CTNNA2: variants seen among roughly 807,000 people sequenced by gnomAD.
CTNNA2 encodes catenin alpha-2.
In CTNNA2, 42 loss-of-function variants were observed where a neutral mutation model predicts 101.0. The ratio of observed to expected loss-of-function variants is 0.42; its 90% CI spans 0.32 to 0.54. The LOEUF is 0.54. Ranked by LOEUF, CTNNA2 falls within the 20% of genes least tolerant of loss-of-function variation. The probability of loss-of-function intolerance (pLI) is 0.14; values close to 1 mark genes in which losing one functional copy is unlikely to be tolerated. For missense variants in CTNNA2, 871 were observed against 1,223.1 expected (o/e 0.71, Z 4.29); for synonymous variants, 450 against 456.4 (o/e 0.99, Z 0.18).
chr2:79,480,204 G>C (rs527920693), intron 4 of CTNNA2, among the ~76,000 whole-genome samples: 3 of 152,000 alleles, frequency 2.0e-5, no homozygotes, highest in Admixed American at 2.0e-4. Flanking sequence ...AAGAACTCAC[G>C]TAGTTCCCTC....
chr2:79,904,565 C>G (rs1335002615), intron 6 of CTNNA2, among the ~76,000 whole-genome samples: 1 of 152,146 alleles, frequency 6.6e-6, no homozygotes, highest in African/African-American at 2.4e-5. Flanking sequence ...GGCTTGAAAT[C>G]AAAAGACCTG....
chr2:79,361,726 C>A (rs1475089487), intron 3 of CTNNA2, among the ~76,000 whole-genome samples: 1 of 152,120 alleles, frequency 6.6e-6, no homozygotes, highest in Non-Finnish European at 1.5e-5. Context: ...CAAGGGGAGC[C>A]AGTCCAAGTC....
rs539074008 is a variant in CTNNA2 at position 79,820,716 on chromosome 2, A to G, written c.299-37297A>G. ...TTGAAACATGTCTGAAAGCCAGTTT[A>G]CTGGTCTTTCATCTTCAATAAATCT... On this transcript the variant is annotated intron_variant, in intron 3 of 18. Coordinates refer to ENST00000402739, the MANE Select transcript of CTNNA2 (RefSeq NM_001282597.3). 1.1e-4 allele frequency among the ~76,000 whole-genome samples: 16 copies of G among 152,348 alleles called. No individual in the cohort carries two copies. The East Asian group carries it at 2.5e-3, about 24-fold the overall frequency.
At chr2:80,443,492 C>A (rs1682777566) in intron 9 of CTNNA2, among the ~76,000 whole-genome samples, 1 of 152,098 alleles carries the variant, frequency 6.6e-6, no homozygotes, top group African/African-American at 2.4e-5. Context: ...TTGGGGGAGA[C>A]AAAGCTAACA....
intron 2 of CTNNA2, among the ~76,000 whole-genome samples, chr2:79,674,641 G>T (rs565006787): frequency 6.6e-6 from 1 of 152,242 alleles, no homozygotes; most frequent in African/African-American, 2.4e-5. Flanking sequence ...TAGTTCTCTA[G>T]TATGTAGACC....
intron 15 of CTNNA2, among the ~76,000 whole-genome samples, chr2:80,592,414 C>T (rs546841566): frequency 4.6e-5 from 7 of 152,152 alleles, no homozygotes; most frequent in Non-Finnish European, 8.8e-5. Context: ...CTTGTGTTTG[C>T]TCTCCAAGGC....
At chr2:80,172,489 A>T (rs1289096476) in intron 7 of CTNNA2, among the ~76,000 whole-genome samples, 2 of 152,150 alleles carry the variant, frequency 1.3e-5, no homozygotes, top group African/African-American at 2.4e-5. Flanking sequence ...TTCCACTCAA[A>T]GTGTGATCTA....
chr2:80,570,721 C>T (rs146794808), intron 12 of CTNNA2, among the ~76,000 whole-genome samples: 28 of 152,010 alleles, frequency 1.8e-4, no homozygotes, highest in South Asian at 4.2e-4. Context: ...TTTTTTTCTT[C>T]CTTGAAAGGT....
chr2:79,682,975 G>A (rs553076980), intron 2 of CTNNA2, among the ~76,000 whole-genome samples: 1 of 152,290 alleles, frequency 6.6e-6, no homozygotes, highest in African/African-American at 2.4e-5. Flanking sequence ...AGTATAAATG[G>A]CATTTATTAA....
chr2:79,402,122 C>T (rs1019973300), intron 4 of CTNNA2, among the ~76,000 whole-genome samples: 5 of 151,384 alleles, frequency 3.3e-5, no homozygotes. Flanking sequence ...AATTATAAAC[C>T]TATATCCACC....
At chr2:79,927,626 AG>A (rs1362640585) in intron 7 of CTNNA2, among the ~76,000 whole-genome samples, 1 of 152,214 alleles carries the variant, frequency 6.6e-6, no homozygotes, top group African/African-American at 2.4e-5. Context: ...CAGCTAAGTT[AG>A]GGCTGATCAA....
intron 2 of CTNNA2, among the ~76,000 whole-genome samples, chr2:79,698,126 T>C (rs1019428668): frequency 6.6e-6 from 1 of 152,068 alleles, no homozygotes; most frequent in African/African-American, 2.4e-5. Flanking sequence ...AAGCTTCGGA[T>C]GAGTATATTT....
chr2:80,203,960 G>A (rs1418118600), intron 7 of CTNNA2, among the ~76,000 whole-genome samples: 4 of 152,164 alleles, frequency 2.6e-5, no homozygotes, highest in African/African-American at 7.2e-5. Flanking sequence ...ACACCATGTG[G>A]AAGCTGCCAA....
intron 5 of CTNNA2, among the ~76,000 whole-genome samples, chr2:79,870,339 A>G (rs6716219): frequency 0.24 from 37,153 of 151,910 alleles, 6,913 homozygotes; most frequent in East Asian, 0.66. Flanking sequence ...CCACACATAT[A>G]CACTCCCAGG....
intron 1 of CTNNA2, among the ~76,000 whole-genome samples, chr2:79,614,915 A>T (rs1678517544): frequency 6.6e-6 from 1 of 152,212 alleles, no homozygotes; most frequent in Non-Finnish European, 1.5e-5. Context: ...AACCTCTATC[A>T]TAAAGTTTCT....
chr2:79,732,331 G>A (rs1410699581), intron 2 of CTNNA2, among the ~76,000 whole-genome samples: 1 of 151,906 alleles, frequency 6.6e-6, no homozygotes, highest in Admixed American at 6.6e-5. Context: ...AGGACTTGAC[G>A]ATTTAAAATT....
At chr2:80,033,551 C>T (rs987718985) in intron 7 of CTNNA2, among the ~76,000 whole-genome samples, 2 of 152,076 alleles carry the variant, frequency 1.3e-5, no homozygotes, top group Admixed American at 6.6e-5. Context: ...TGCACACCAG[C>T]CTGGATGACA....
chr2:79,461,155 T>C (rs1670873318), intron 4 of CTNNA2, among the ~76,000 whole-genome samples: 1 of 152,192 alleles, frequency 6.6e-6, no homozygotes, highest in African/African-American at 2.4e-5. Context: ...GCCCAGTAAT[T>C]TTTATCTACA....
At chr2:79,927,737 C>A (rs566852997) in intron 7 of CTNNA2, among the ~76,000 whole-genome samples, 1 of 152,264 alleles carries the variant, frequency 6.6e-6, no homozygotes, top group Non-Finnish European at 1.5e-5. Flanking sequence ...AAATATTTGT[C>A]TTCACCTGTT....
Sources: allele counts gnomAD v4.1 joint callset (sites outside exome capture counted in the v4.1 genomes callset), GRCh38; gene constraint gnomAD v4.1.1; transcripts MANE v1.5; gene names NCBI Gene and HGNC (gene_info 2026-07-23, HGNC 2026-07-21).